The following DOK6 variants were observed in gnomAD, a reference collection of about 807,000 sequenced individuals.
DOK6 encodes docking protein 6.
DOK6 carries 22 observed loss-of-function variants against 44.0 expected under a neutral mutation model. The ratio of observed to expected loss-of-function variants is 0.50; its 90% CI spans 0.36 to 0.71. The LOEUF (loss-of-function observed/expected upper bound fraction) is 0.71. Ranked by LOEUF, DOK6 falls within the 30% of genes least tolerant of loss-of-function variation. The pLI is 0.00. For synonymous variants in DOK6, 166 were observed against 145.5 expected (o/e 1.14, Z -1.01); for missense variants, 340 against 416.4 (o/e 0.82, Z 1.60).
intron 7 of DOK6, among the ~76,000 whole-genome samples, chr18:69,813,957 A>G (rs1981320940): frequency 1.3e-5 from 2 of 152,164 alleles, no homozygotes; most frequent in African/African-American, 4.8e-5. Context: ...TATGAAACTT[A>G]AAAGCAATAT....
chr18:69,436,877 T>C (rs930429112), intron 1 of DOK6, among the ~76,000 whole-genome samples: 2 of 152,244 alleles, frequency 1.3e-5, no homozygotes, highest in Non-Finnish European at 2.9e-5. Context: ...TGGTATCTCA[T>C]TGTGGTTTTG....
At chr18:69,480,598 G>A (rs1980389659) in intron 1 of DOK6, among the ~76,000 whole-genome samples, 1 of 151,994 alleles carries the variant, frequency 6.6e-6, no homozygotes. Context: ...TAATCTCTTT[G>A]AATTAAGATC....
chr18:69,608,683 T>C (rs886756420), intron 3 of DOK6, among the ~76,000 whole-genome samples: 4 of 152,204 alleles, frequency 2.6e-5, no homozygotes, highest in African/African-American at 9.6e-5. Flanking sequence ...CTTTCATAAA[T>C]GTTTGTATTT....
chr18:69,499,869 A>C (rs149215302), intron 1 of DOK6, among the ~76,000 whole-genome samples: 1 of 152,112 alleles, frequency 6.6e-6, no homozygotes. Flanking sequence ...CCTAATTTCT[A>C]TCTTTCCCTC....
intron 3 of DOK6, among the ~76,000 whole-genome samples, chr18:69,611,493 C>T (rs1157676571): frequency 2.5e-5 from 2 of 79,468 alleles, no homozygotes; most frequent in Admixed American, 1.7e-4. Context: ...AACAAGTACA[C>T]GTACACACAC....
chr18:69,653,347 A>AG (rs971880882), intron 3 of DOK6, among the ~76,000 whole-genome samples: 1 of 150,664 alleles, frequency 6.6e-6, no homozygotes, highest in Non-Finnish European at 1.5e-5. Flanking sequence ...CTAACTTCCG[A>AG]GGCAGCCAGG....
intron 1 of DOK6, among the ~76,000 whole-genome samples, chr18:69,545,677 C>G (rs1019001991): frequency 6.6e-6 from 1 of 151,250 alleles, no homozygotes; most frequent in Non-Finnish European, 1.5e-5. Context: ...GAAAAGACTA[C>G]TACATTCATT....
chr18:69,824,093 G>A (rs868792424), intron 7 of DOK6, among the ~76,000 whole-genome samples: 2 of 151,140 alleles, frequency 1.3e-5, no homozygotes, highest in East Asian at 3.9e-4. Flanking sequence ...TGTGCACAAC[G>A]TGCAGGTTAG....
chr18:69,572,865 A>T (rs1983148751), intron 2 of DOK6, among the ~76,000 whole-genome samples: 1 of 151,978 alleles, frequency 6.6e-6, no homozygotes, highest in Admixed American at 6.6e-5. Flanking sequence ...GTTTCATTCA[A>T]ATATGGGGAC....
chr18:69,665,125 G>A (rs1985623090), intron 3 of DOK6, among the ~76,000 whole-genome samples: 1 of 152,004 alleles, frequency 6.6e-6, no homozygotes, highest in Admixed American at 6.5e-5. Context: ...AGGTTGCAGT[G>A]AGCCGAGATT....
At chr18:69,733,824 C>A (rs992042836) in intron 5 of DOK6, among the ~76,000 whole-genome samples, 1 of 152,044 alleles carries the variant, frequency 6.6e-6, no homozygotes, top group Non-Finnish European at 1.5e-5. Context: ...ATTATTATTA[C>A]GACTATTACT....
At chr18:69,526,002 A>G (rs1271035577) in intron 1 of DOK6, among the ~76,000 whole-genome samples, 1 of 152,110 alleles carries the variant, frequency 6.6e-6, no homozygotes, top group African/African-American at 2.4e-5. Context: ...GCCAGTATGT[A>G]TATAAATATA....
chr18:69,602,375 A>G (rs1301431399), intron 3 of DOK6, among the ~76,000 whole-genome samples: 2 of 152,236 alleles, frequency 1.3e-5, no homozygotes, highest in Non-Finnish European at 2.9e-5. Context: ...CAATGAAGGG[A>G]CATTCTACAA....
chr18:69,808,756 G>A (rs1456515362), intron 7 of DOK6, among the ~76,000 whole-genome samples: 1 of 151,722 alleles, frequency 6.6e-6, no homozygotes, highest in Non-Finnish European at 1.5e-5. Context: ...TAGAAAATGT[G>A]AACAGAACAA....
intron 1 of DOK6, among the ~76,000 whole-genome samples, chr18:69,475,701 A>C (rs960244169): frequency 1.3e-5 from 2 of 152,192 alleles, no homozygotes; most frequent in Non-Finnish European, 2.9e-5. Context: ...ATATCTTGAA[A>C]AGTCATCGTT....
intron 1 of DOK6, among the ~76,000 whole-genome samples, chr18:69,534,918 C>T (rs1028875936): frequency 5.3e-5 from 8 of 152,084 alleles, no homozygotes; most frequent in Non-Finnish European, 7.4e-5. Flanking sequence ...GTTAGGCTCA[C>T]TTCTGCTTTC....
chr18:69,611,823 C>A (rs1984146611), intron 3 of DOK6, among the ~76,000 whole-genome samples: 1 of 152,082 alleles, frequency 6.6e-6, no homozygotes, highest in African/African-American at 2.4e-5. Context: ...AGGAATGGGG[C>A]TGGAACCTTG....
rs762039937 is a variant in DOK6, at chr18:69,821,497, G to A, written c.857-19747G>A. Among the ~76,000 whole-genome samples, 38 of 152,178 alleles carry A rather than the reference G, an allele frequency of 2.5e-4. 1 individual carries two copies. Among genetic ancestry groups the A allele is most frequent in the South Asian group, 8.3e-4 (4 of 4,822 alleles). On this transcript the variant is annotated intron_variant, in intron 7 of 7. Transcript: ENST00000382713. ...TCACAGTTTATAGGATATTTACCCC[G>A]TAATCTCTTTATTTTCCATCTTTAA...
At chr18:69,638,232 C>A (rs573510936) in intron 3 of DOK6, among the ~76,000 whole-genome samples, 6 of 152,196 alleles carry the variant, frequency 3.9e-5, no homozygotes, top group Non-Finnish European at 7.4e-5. Flanking sequence ...TGACTGTGTT[C>A]TAATAAAACT....
Sources: allele counts gnomAD v4.1 joint callset (sites outside exome capture counted in the v4.1 genomes callset), GRCh38; gene constraint gnomAD v4.1.1; transcripts MANE v1.5; gene names NCBI Gene and HGNC (gene_info 2026-07-23, HGNC 2026-07-21).